Variants in CACNB2 observed in about 807,000 individuals in gnomAD.
CACNB2 encodes calcium voltage-gated channel auxiliary subunit beta 2, also known as voltage-dependent L-type calcium channel subunit beta-2.
A neutral mutation model predicts 73.3 loss-of-function variants in CACNB2; 42 were observed. The ratio of observed to expected loss-of-function variants is 0.57; its 90% CI spans 0.45 to 0.74. The LOEUF (loss-of-function observed/expected upper bound fraction) is 0.74, where lower values mean the gene tolerates loss of function less well. Ranked by LOEUF, CACNB2 falls within the 30% of genes least tolerant of loss-of-function variation. The pLI, the probability that CACNB2 is intolerant of heterozygous loss-of-function variation, is 0.00. For missense variants in CACNB2, 940 were observed against 853.0 expected (o/e 1.10, Z -1.27); for synonymous variants, 348 against 310.3 (o/e 1.12, Z -1.28).
intron 3 of CACNB2, among the ~76,000 whole-genome samples, chr10:18,405,951 AAAAC>A (rs74599200): frequency 0.16 from 24,073 of 151,174 alleles, 2,887 homozygotes; most frequent in African/African-American, 0.33. Context: ...GACTCTGTCA[AAAAC>A]AAACAAACAA....
At chr10:18,368,179 A>T (rs2042433210) in intron 2 of CACNB2, among the ~76,000 whole-genome samples, 1 of 152,212 alleles carries the variant, frequency 6.6e-6, no homozygotes. Context: ...ATTATGAACA[A>T]TAGCTATAAT....
chr10:18,400,894 G>A (rs966445817), intron 2 of CACNB2: 14 of 1,540,774 alleles, frequency 9.1e-6, no homozygotes, highest in Non-Finnish European at 1.2e-5. Context: ...TGAAAGCCCC[G>A]GAGGCAGAAA....
chr10:18,473,161 C>G (rs1213100299), intron 3 of CACNB2, among the ~76,000 whole-genome samples: 1 of 152,210 alleles, frequency 6.6e-6, no homozygotes, highest in African/African-American at 2.4e-5. Context: ...TTTAGCTCCA[C>G]CCACTGGCAA....
chr10:18,184,207 G>A (rs747189470), intron 2 of CACNB2, among the ~76,000 whole-genome samples: 6 of 152,164 alleles, frequency 3.9e-5, no homozygotes, highest in Non-Finnish European at 8.8e-5. Flanking sequence ...TGTTGCATGG[G>A]ATTAAAACCT....
intron 2 of CACNB2, among the ~76,000 whole-genome samples, chr10:18,352,755 G>A (rs2041761657): frequency 6.6e-6 from 1 of 152,194 alleles, no homozygotes; most frequent in Non-Finnish European, 1.5e-5. Flanking sequence ...TTTTAAGGGA[G>A]AATGCTTTAC....
intron 2 of CACNB2, among the ~76,000 whole-genome samples, chr10:18,222,248 A>G (rs2035822211): frequency 6.6e-6 from 1 of 152,222 alleles, no homozygotes; most frequent in Non-Finnish European, 1.5e-5. Context: ...ATTCTGTAGG[A>G]CAAATGACCA....
intron 6 of CACNB2, among the ~76,000 whole-genome samples, chr10:18,509,063 C>A (rs1213541382): frequency 6.6e-6 from 1 of 152,198 alleles, no homozygotes; most frequent in African/African-American, 2.4e-5. Flanking sequence ...TTTCTGGTGA[C>A]TGAGTCACTT....
At chr10:18,228,451 A>AAAAAAAAAAG (rs1554773841) in intron 2 of CACNB2, among the ~76,000 whole-genome samples, 82 of 95,488 alleles carry the variant, frequency 8.6e-4, no homozygotes, top group Non-Finnish European at 1.3e-3. Flanking sequence ...AAAAAAAAAG[A>AAAAAAAAAAG]AAAAAAAAAA....
chr10:18,502,357 G>A (rs535073503), intron 5 of CACNB2, among the ~76,000 whole-genome samples: 11 of 151,030 alleles, frequency 7.3e-5, no homozygotes, highest in South Asian at 6.3e-4. Context: ...GGATGGAGCC[G>A]GAGGCCATTA....
chr10:18,409,302 GAA>G (rs11386791), intron 3 of CACNB2, among the ~76,000 whole-genome samples: 2 of 137,856 alleles, frequency 1.5e-5, no homozygotes, highest in Non-Finnish European at 1.6e-5. Flanking sequence ...CTGTCTCCAG[GAA>G]AAAAAAAAAA....
intron 2 of CACNB2, among the ~76,000 whole-genome samples, chr10:18,189,286 A>G (rs992925235): frequency 1.3e-5 from 2 of 152,174 alleles, no homozygotes; most frequent in African/African-American, 2.4e-5. Context: ...AATAGCTACT[A>G]ATCTATTTAA....
chr10:18,392,216 G>T (rs115806141), intron 2 of CACNB2, among the ~76,000 whole-genome samples: 9 of 151,540 alleles, frequency 5.9e-5, no homozygotes, highest in Non-Finnish European at 1.3e-4. Context: ...AGGGTGTAGA[G>T]ATCAGCGGAA....
intron 3 of CACNB2, among the ~76,000 whole-genome samples, chr10:18,493,999 C>G (rs576965421): frequency 2.4e-3 from 360 of 152,254 alleles, no homozygotes; most frequent in African/African-American, 8.1e-3. Flanking sequence ...TTCTATAAAG[C>G]TAATTCCCAT....
At chr10:18,227,625 G>C (rs2036046465) in intron 2 of CACNB2, among the ~76,000 whole-genome samples, 1 of 152,164 alleles carries the variant, frequency 6.6e-6, no homozygotes, top group Non-Finnish European at 1.5e-5. Context: ...AGGTGGTCTT[G>C]GGCGGCCGCA....
At chr10:18,404,144 T>C (rs1315203828) in intron 3 of CACNB2, among the ~76,000 whole-genome samples, 2 of 152,108 alleles carry the variant, frequency 1.3e-5, no homozygotes, top group African/African-American at 4.8e-5. Context: ...ATAGTTTATT[T>C]ATATTTTTTC....
Position 18,187,322 on chromosome 10 carries a change from G to A in CACNB2, c.213+36347G>A, listed in dbSNP as rs943079500. Among the ~76,000 whole-genome samples the A allele has an allele frequency of 5.3e-5, 8 of 152,298 alleles. No individual in the cohort carries two copies. In the East Asian group the frequency reaches 1.5e-3, roughly 29 times the overall value. On this transcript the variant is annotated intron_variant, in intron 2 of 13. Transcript: ENST00000324631. ...ATATTCTTCTTGTAAATGGTAGTAA[G>A]TGAGCATACATTAATCTGAAAAAGC...
intron 3 of CACNB2, among the ~76,000 whole-genome samples, chr10:18,497,469 G>C (rs2049907244): frequency 6.6e-6 from 1 of 152,084 alleles, no homozygotes; most frequent in South Asian, 2.1e-4. Context: ...CCCCGGGCTG[G>C]AGTGCAGTCG....
intron 3 of CACNB2, among the ~76,000 whole-genome samples, chr10:18,455,131 T>C (rs921583968): frequency 1.3e-5 from 2 of 151,552 alleles, no homozygotes; most frequent in Admixed American, 6.6e-5. Context: ...TATCCACCAA[T>C]ATGTGCCTCT....
intron 3 of CACNB2, among the ~76,000 whole-genome samples, chr10:18,415,920 T>C (rs1161616404): frequency 6.6e-6 from 1 of 152,048 alleles, no homozygotes; most frequent in African/African-American, 2.4e-5. Context: ...CCCAGACAAC[T>C]ACCATGCTAC....
Sources: gnomAD v4.1 joint callset for allele counts (sites outside exome capture counted in the v4.1 genomes callset) on GRCh38, gnomAD v4.1.1 for gene constraint, MANE v1.5 for transcripts, NCBI Gene and HGNC (gene_info 2026-07-23, HGNC 2026-07-21) for gene names.